Variants in ZNF723 observed in about 807,000 individuals in gnomAD.
ZNF723 encodes zinc finger protein 723.
ZNF723 carries 5 observed loss-of-function variants against 9.4 expected under a neutral mutation model. The ratio of observed to expected loss-of-function variants is 0.53; its 90% confidence interval spans 0.28 to 1.12. The LOEUF (loss-of-function observed/expected upper bound fraction) is 1.12, where lower values mean the gene tolerates loss of function less well. Among genes scored for constraint, ZNF723 ranks in the 50% most tolerant of loss-of-function variants. The probability of loss-of-function intolerance (pLI) is 0.10; values close to 1 mark genes in which losing one functional copy is unlikely to be tolerated. For synonymous variants in ZNF723, 158 were observed against 168.8 expected, an observed-to-expected ratio of 0.94 and a Z score of 0.49; for missense variants, 450 against 501.5, an observed-to-expected ratio of 0.90 and a Z score of 0.98.
At chr19:22,823,522 C>A in the ZNF723 span, among the ~76,000 whole-genome samples, 4 of 152,336 alleles carry the variant, frequency 2.6e-5, no homozygotes, top group East Asian at 7.7e-4. Flanking sequence ...GAGATTCTGA[C>A]TCGCATACTT....
At chr19:22,827,307 G>T (rs189615551), upstream of ZNF723, among the ~76,000 whole-genome samples, 3 of 152,330 alleles carry the variant, frequency 2.0e-5, no homozygotes, top group East Asian at 5.8e-4. Context: ...AGTTGTAGGG[G>T]ATTAATGAAC....
chr19:22,828,349 G>T (rs1967059155), upstream of ZNF723, among the ~76,000 whole-genome samples: 2 of 152,142 alleles, frequency 1.3e-5, no homozygotes, highest in Admixed American at 1.3e-4. Flanking sequence ...TCACCAAAAA[G>T]CCAGGGTTTT....
At chr19:22,851,305 G>A (rs1229847976) in intron 3 of ZNF723, among the ~76,000 whole-genome samples, 1 of 152,034 alleles carries the variant, frequency 6.6e-6, no homozygotes, top group African/African-American at 2.4e-5. Context: ...TTGAGTAGCT[G>A]AGATTACAGG....
chr19:22,813,490 C>G, the ZNF723 span, among the ~76,000 whole-genome samples: 1 of 152,058 alleles, frequency 6.6e-6, no homozygotes, highest in Non-Finnish European at 1.5e-5. Context: ...TTGGCAATGC[C>G]TACAGGGGAC....
the ZNF723 span, among the ~76,000 whole-genome samples, chr19:22,818,857 C>T: frequency 6.6e-6 from 1 of 152,126 alleles, no homozygotes; most frequent in South Asian, 2.1e-4. Context: ...TGTGCCCTGC[C>T]CAGATATGCC....
chr19:22,825,659 C>A, the ZNF723 span, among the ~76,000 whole-genome samples: 20 of 152,328 alleles, frequency 1.3e-4, no homozygotes, highest in African/African-American at 4.8e-4. Context: ...GAGCCCAACA[C>A]CTAGGTGATA....
Position 22,848,728 on chromosome 19 carries a change from A to ATTTT in ZNF723, c.130+342_130+345dup, listed in dbSNP as rs201788236. 3.7e-3 allele frequency among the ~76,000 whole-genome samples: 501 copies of ATTTT among 134,058 alleles called. 6 individuals are homozygous for ATTTT. The highest frequency in any genetic ancestry group is 0.013 in the African/African-American group (476 of 35,934). 87.9% of individuals were successfully genotyped at this position (134,058 alleles called of 152,430 possible). On this transcript the variant is annotated intron_variant, in intron 2 of 3. Transcript: ENST00000600766. ...TTCAGTGGTACTGGGTAGAGAAATT[A>ATTTT]TTTTATTTATTTATTTATTTATTTA...
chr19:22,845,390 T>TCC (rs1967295021), intron 1 of ZNF723, among the ~76,000 whole-genome samples: 1 of 152,206 alleles, frequency 6.6e-6, no homozygotes, highest in East Asian at 1.9e-4. Context: ...TTCCACGGGT[T>TCC]CTTTTTATTG....
At chr19:22,821,815 T>G in the ZNF723 span, among the ~76,000 whole-genome samples, 12 of 152,248 alleles carry the variant, frequency 7.9e-5, 1 homozygote, top group South Asian at 2.1e-3. Context: ...TTTATAAAAT[T>G]TATGCATAAT....
intron 2 of ZNF723, 149 bp downstream of exon 2, chr19:22,848,536 A>G (rs1967346441): frequency 1.5e-6 from 1 of 684,926 alleles, no homozygotes; most frequent in Admixed American, 3.1e-5. Flanking sequence ...CAGTGTAGAA[A>G]AGAATTTCTT....
chr19:22,817,474 T>G, the ZNF723 span, among the ~76,000 whole-genome samples: 3 of 152,062 alleles, frequency 2.0e-5, no homozygotes, highest in African/African-American at 7.2e-5. Context: ...GACATATCAC[T>G]GGGCCCAGCA....
chr19:22,831,742 T>C (rs147074445), upstream of ZNF723, among the ~76,000 whole-genome samples: 525 of 151,908 alleles, frequency 3.5e-3, 5 homozygotes, highest in East Asian at 0.041. Flanking sequence ...ACCCCGTCTC[T>C]ACTAAAAGTC....
Position 22,853,833 on chromosome 19 carries a change from C to T in ZNF723, c.227-3285C>T, listed in dbSNP as rs142085192. Among the ~76,000 whole-genome samples, 661 of 152,170 alleles carry T rather than the reference C, an allele frequency of 4.3e-3. 2 individuals carry two copies. Among genetic ancestry groups the T allele is most frequent in the Non-Finnish European group, 5.0e-3 (343 of 68,012 alleles). The stretch of plus-strand genomic sequence containing the variant: ...TTCACCATGTTGGCCAGGCTGGTCT[C>T]GAGCTCCTAACCTCAGGTGATCTGC... On this transcript the variant is annotated intron_variant, in intron 3 of 3. Transcript: ENST00000600766.
chr19:22,856,052 C>T (rs1333136852), intron 3 of ZNF723, among the ~76,000 whole-genome samples: 1 of 152,024 alleles, frequency 6.6e-6, no homozygotes, highest in African/African-American at 2.4e-5. Flanking sequence ...TTCCACCTCC[C>T]AGGTTCAAGC....
chr19:22,819,369 G>A, the ZNF723 span, among the ~76,000 whole-genome samples: 1 of 152,184 alleles, frequency 6.6e-6, no homozygotes, highest in African/African-American at 2.4e-5. Flanking sequence ...GCCCACAAAA[G>A]GGAGAGTGAC....
chr19:22,829,228 TA>T (rs3033423), upstream of ZNF723, among the ~76,000 whole-genome samples: 1,424 of 140,446 alleles, frequency 0.01, 18 homozygotes, highest in African/African-American at 0.031. Flanking sequence ...TGTTTCTACT[TA>T]AAAAAAAAAA....
rs1419626844 is a variant in ZNF723, at chr19:22,849,286, GC to G, written c.224del (p.Pro75GlnfsTer17). 6 of 580,098 alleles carry G rather than the reference GC, an allele frequency of 1.0e-5. No homozygotes were observed. Among genetic ancestry groups the G allele is most frequent in the South Asian group, 8.7e-5 (3 of 34,352 alleles). The allele number at this position is 580,098 out of a possible 1,614,324, so 35.9% of individuals were successfully genotyped here. ...NMKRHKMVAK[P>X]PVVCSHFAQD... is the part of the protein sequence containing the mutation. ...TGAAGAGACACAAGATGGTAGCCAA[GC>G]CCCCAGGTAGGTGGAGAGTGAACAC... On this transcript the variant is annotated frameshift_variant, in exon 3 of 4. Transcript: ENST00000600766. LOFTEE classifies it low-confidence loss of function (END_TRUNC).
At chr19:22,844,864 G>A (rs1008929324) in intron 1 of ZNF723, among the ~76,000 whole-genome samples, 5 of 152,216 alleles carry the variant, frequency 3.3e-5, no homozygotes, top group Admixed American at 1.3e-4. Context: ...GCTCATGCCT[G>A]TAATCCCATT....
intron 2 of ZNF723, among the ~76,000 whole-genome samples, 153 bp from the exon 3 acceptor site, chr19:22,849,045 G>A (rs910532194): frequency 6.6e-6 from 1 of 152,060 alleles, no homozygotes; most frequent in South Asian, 2.1e-4. Flanking sequence ...ATGAGTCACC[G>A]CAGCCAGCCC....
Sources: allele counts gnomAD v4.1 joint callset (sites outside exome capture counted in the v4.1 genomes callset), GRCh38; gene constraint gnomAD v4.1.1; transcripts MANE v1.5; gene names NCBI Gene and HGNC (gene_info 2026-07-23, HGNC 2026-07-21).